The following TRAF3IP2 variants were observed in gnomAD, a reference collection of about 807,000 sequenced individuals.
TRAF3IP2 encodes the protein E3 ubiquitin ligase TRAF3IP2.
Under a neutral mutation model 57.9 loss-of-function variants are expected in TRAF3IP2, and 35 were observed. The observed-to-expected ratio is 0.60, with a 90% CI of 0.46 to 0.80. TRAF3IP2 has a LOEUF of 0.80. Ranked by LOEUF, TRAF3IP2 falls within the 30% of genes least tolerant of loss-of-function variation. The probability of loss-of-function intolerance (pLI) is 0.00; values close to 1 mark genes in which losing one functional copy is unlikely to be tolerated. For missense variants in TRAF3IP2, 556 were observed against 706.4 expected (o/e 0.79, Z 2.41); for synonymous variants, 251 against 268.9 (o/e 0.93, Z 0.65).
intron 6 of TRAF3IP2, 48 bp from the exon 7 acceptor site, chr6:111,566,608 G>A: frequency 1.3e-6 from 2 of 1,530,362 alleles, no homozygotes; most frequent in Non-Finnish European, 1.8e-6. Flanking sequence ...GTACCAGCAG[G>A]ACTGTGGGCA....
In TRAF3IP2 at chr6:111,559,341, C is replaced by A; in HGVS notation, c.*64G>T. On this transcript the variant is annotated 3_prime_UTR_variant, in exon 9 of 9. Transcript: ENST00000368761. ...AGGAGTGCTACCGACCAGCCTCAGCCAGAATGCTGTCAGAACAAGGCCCCA... is the reference window on the plus strand; with the variant it reads ...AGGAGTGCTACCGACCAGCCTCAGCAAGAATGCTGTCAGAACAAGGCCCCA... 2 of 1,572,864 alleles carry A rather than the reference C, an allele frequency of 1.3e-6. No individual in the cohort carries two copies. The highest frequency in any genetic ancestry group is 2.2e-5 in the East Asian group (1 of 44,582).
chr6:111,567,113 C>G (rs546158879), intron 6 of TRAF3IP2: 1 of 936,464 alleles, frequency 1.1e-6, no homozygotes, highest in Non-Finnish European at 1.3e-6. Flanking sequence ...GACACGGACA[C>G]GCTGGCAGCA....
At position 111,575,542 on chromosome 6, in the gene TRAF3IP2, C is replaced by G. The variant is rs796093475; in HGVS notation, c.1201+101G>C. The G allele has an allele frequency of 4.1e-5, 54 of 1,326,408 alleles. No individual in the cohort carries two copies. In the African/African-American group the frequency reaches 7.7e-4, roughly 19 times the overall value. The allele number at this position is 1,326,408 out of a possible 1,614,324, so 82.2% of individuals were successfully genotyped here. ...GGCGGAGCTTGCAGTGAGCTGAGATCGCACCACTGCACTCCAGCCTGGGCA... is the reference window on the plus strand; with the variant it reads ...GGCGGAGCTTGCAGTGAGCTGAGATGGCACCACTGCACTCCAGCCTGGGCA... On this transcript the variant is annotated intron_variant, in intron 4 of 8. Transcript: ENST00000368761.
rs181942095 is a variant in TRAF3IP2, at chr6:111,591,446, C to T, written c.641G>A (p.Arg214Lys). The stretch of plus-strand genomic sequence containing the variant: ...ACACACGGAGGTGAGGGGCAGGGGC[C>T]TTTCCAGCTGCCTGATGCCCAGGAC... Reference protein sequence around the residue: ...QDVLGIRQLERPLPLTSVCYP... With the variant: ...QDVLGIRQLEKPLPLTSVCYP... Residue 214 changes from arginine to lysine, a missense_variant, in exon 2 of 9, where the codon AGG (arginine) becomes AAG (lysine). Arg to Lys is a conservative substitution (Grantham distance 26). Around this residue, in one of 2 missense-constraint regions of TRAF3IP2, gnomAD observed 428 missense variants for 498.7 expected, o/e 0.86. Coordinates refer to ENST00000368761, the MANE Select transcript of TRAF3IP2 (RefSeq NM_147686.4). The surrounding 1 kb of genome is among the most constrained non-coding windows in gnomAD (Gnocchi z 4.9). The T allele has an allele frequency of 3.1e-4, 484 of 1,586,872 alleles. No homozygotes were observed. Among genetic ancestry groups the T allele is most frequent in the Non-Finnish European group, 4.0e-4 (463 of 1,165,318 alleles).
At chr6:111,577,932 C>T (rs892029762) in intron 3 of TRAF3IP2, among the ~76,000 whole-genome samples, 4 of 151,210 alleles carry the variant, frequency 2.6e-5, no homozygotes, top group African/African-American at 7.3e-5. Flanking sequence ...AGGCTGGTCT[C>T]AAATTCCTGG....
At chr6:111,562,854 A>AG in intron 8 of TRAF3IP2, 111 bp downstream of exon 8, 3 of 893,220 alleles carry the variant, frequency 3.4e-6, no homozygotes, top group Non-Finnish European at 5.0e-6. Flanking sequence ...CAAAAAAAAA[A>AG]AAAAAGAAAA....
intron 1 of TRAF3IP2, among the ~76,000 whole-genome samples, chr6:111,604,503 T>C (rs953125036): frequency 2.0e-5 from 3 of 152,252 alleles, no homozygotes; most frequent in Non-Finnish European, 4.4e-5. Flanking sequence ...CTATCCTTCC[T>C]GGGTAACCCA....
Position 111,572,985 on chromosome 6 carries a change from TAA to T in TRAF3IP2, c.1202-4_1202-3del, listed in dbSNP as rs760733218. On this transcript the variant is annotated splice_region_variant and splice_polypyrimidine_tract_variant and intron_variant, in intron 4 of 8. Coordinates refer to ENST00000368761, the MANE Select transcript of TRAF3IP2 (RefSeq NM_147686.4). ...TCGAATAAGTGATAAAGACTTTCCC[TAA>T]GAGAAAATTTTTACATTTATTAGAA... The T allele has an allele frequency of 2.5e-6, 4 of 1,610,484 alleles. No homozygotes were observed. Among genetic ancestry groups the T allele is most frequent in the Middle Eastern group, 3.3e-4 (2 of 6,046 alleles).
chr6:111,591,825 G>C lies in TRAF3IP2; in HGVS notation c.262C>G (p.Leu88Val), dbSNP rs757629065. 2 of 1,614,220 alleles carry C rather than the reference G, an allele frequency of 1.2e-6. No homozygotes were observed. Among genetic ancestry groups the C allele is most frequent in the East Asian group, 2.2e-5 (1 of 44,888 alleles). Residue 88 changes from leucine to valine, a missense_variant, in exon 2 of 9, where the codon CTG (leucine) becomes GTG (valine). Physicochemically the swap from Leu to Val is conservative, Grantham distance 32 (BLOSUM62 1). Transcript: ENST00000368761. This position sits in a 1 kb window ranked among gnomAD's most constrained non-coding sequence, Gnocchi z 4.9. ...RQVTCLRTQV[L>V]EDSEDSFCRR... Reference sequence around the variant, plus strand: ...CAGAAACTGTCTTCACTGTCCTCCAGAACTTGAGTGCGCAGGCAGGTGACC... The same window carrying C: ...CAGAAACTGTCTTCACTGTCCTCCACAACTTGAGTGCGCAGGCAGGTGACC...
chr6:111,601,448 G>A (rs1053134714), intron 1 of TRAF3IP2: 1 of 421,528 alleles, frequency 2.4e-6, no homozygotes, highest in Non-Finnish European at 4.3e-6. Context: ...ATCTAGAGGG[G>A]AGCTATCTTC....
At chr6:111,588,048 A>C (rs1022231784) in intron 2 of TRAF3IP2, among the ~76,000 whole-genome samples, 2 of 152,226 alleles carry the variant, frequency 1.3e-5, no homozygotes, top group Non-Finnish European at 2.9e-5. Context: ...TTACACTCCT[A>C]TCAAGAGTGA....
rs1403011039 is a variant in TRAF3IP2 at position 111,557,749 on chromosome 6, G to C, written c.*1656C>G. Reference sequence around the variant, plus strand: ...TTTAAAAGAGGAAAATGTTGGCTGGGTGTGGTGGCTCACACCTGTAATCCC... The same window carrying C: ...TTTAAAAGAGGAAAATGTTGGCTGGCTGTGGTGGCTCACACCTGTAATCCC... On this transcript the variant is annotated 3_prime_UTR_variant, in exon 9 of 9. Coordinates refer to ENST00000368761, the MANE Select transcript of TRAF3IP2 (RefSeq NM_147686.4). 1 of 151,838 alleles carries C rather than the reference G, an allele frequency of 6.6e-6. No individual in the cohort carries two copies. The highest frequency in any genetic ancestry group is 6.6e-5 in the Admixed American group (1 of 15,262). 9.4% of individuals were successfully genotyped at this position (151,838 alleles called of 1,614,324 possible).
Position 111,591,736 on chromosome 6 carries a change from C to T in TRAF3IP2, c.351G>A (p.Ala117=), listed in dbSNP as rs564116168. The change falls in exon 2 of 9, where the codon GCG becomes GCA. Residue 117 remains alanine, a synonymous_variant. Coordinates refer to ENST00000368761, the MANE Select transcript of TRAF3IP2 (RefSeq NM_147686.4). The surrounding 1 kb of genome is among the most constrained non-coding windows in gnomAD (Gnocchi z 4.9). ...PSGCSAVSEP[A]SESVVGALPA... Reference sequence around the variant, plus strand: ...GGAGGGCTCCAACCACAGACTCAGACGCAGGCTCGCTGACTGCAGAGCACC... The same window carrying T: ...GGAGGGCTCCAACCACAGACTCAGATGCAGGCTCGCTGACTGCAGAGCACC... The T allele has an allele frequency of 2.3e-5, 37 of 1,614,094 alleles. No individual in the cohort carries two copies. Among genetic ancestry groups the T allele is most frequent in the East Asian group, 8.9e-5 (4 of 44,880 alleles).
intron 8 of TRAF3IP2, among the ~76,000 whole-genome samples, 171 bp from the exon 9 acceptor site, chr6:111,559,722 C>T (rs1795366078): frequency 6.6e-6 from 1 of 152,228 alleles, no homozygotes; most frequent in Non-Finnish European, 1.5e-5. Flanking sequence ...GTGAAATGTT[C>T]TTGGCTTCGG....
intron 7 of TRAF3IP2, 59 bp from the exon 8 acceptor site, chr6:111,563,098 AC>A: frequency 1.6e-6 from 2 of 1,283,934 alleles, no homozygotes; most frequent in Non-Finnish European, 1.1e-6. Flanking sequence ...AGTTAATGGT[AC>A]CCATAATCAT....
At chr6:111,583,312 CT>C (rs1222602173) in intron 2 of TRAF3IP2, among the ~76,000 whole-genome samples, 1 of 152,218 alleles carries the variant, frequency 6.6e-6, no homozygotes, top group Non-Finnish European at 1.5e-5. Flanking sequence ...CACAGGTCTC[CT>C]AGACCAGGGG....
At position 111,563,095 on chromosome 6, in the gene TRAF3IP2, G is replaced by T. The variant is rs1039572007; in HGVS notation, c.1477-56C>A. The T allele has an allele frequency of 3.0e-6, 4 of 1,329,142 alleles. No individual in the cohort carries two copies. The East Asian group carries it at 9.3e-5, about 31-fold the overall frequency. 82.3% of individuals were successfully genotyped at this position (1,329,142 alleles called of 1,614,324 possible). A position where few individuals can be genotyped will look rare whatever the true frequency, so the allele number is the denominator to read the frequency against. ...TCAGGAATGAGGATGAGGAGTTAAT[G>T]GTACCCATAATCATGCACGTCCACA... On this transcript the variant is annotated intron_variant, in intron 7 of 8. Transcript: ENST00000368761.
chr6:111,561,034 T>C (rs1469102485), intron 8 of TRAF3IP2, among the ~76,000 whole-genome samples: 1 of 151,912 alleles, frequency 6.6e-6, no homozygotes, highest in Non-Finnish European at 1.5e-5. Flanking sequence ...ATACAAAAAT[T>C]AGCTGGGCGT....
intron 5 of TRAF3IP2, among the ~76,000 whole-genome samples, chr6:111,569,672 C>T (rs1349699472): frequency 6.6e-6 from 1 of 152,204 alleles, no homozygotes; most frequent in Non-Finnish European, 1.5e-5. Context: ...AGGAAAATTG[C>T]TTGAGCCTGG....
Sources: gnomAD v4.1 joint callset for allele counts (sites outside exome capture counted in the v4.1 genomes callset) on GRCh38, gnomAD v4.1.1 for gene constraint, gnomAD v4.1.1 regional missense constraint, Gnocchi (gnomAD v3.1) non-coding constraint, MANE v1.5 for transcripts, NCBI Gene and HGNC (gene_info 2026-07-23, HGNC 2026-07-21) for gene names.